The following EYS variants were observed in gnomAD, a reference collection of about 807,000 sequenced individuals.
The protein encoded by EYS is protein eyes shut homolog.
EYS carries 250 observed loss-of-function variants against 282.1 expected under a neutral mutation model. The ratio of observed to expected loss-of-function variants is 0.89; its 90% CI spans 0.80 to 0.98. The LOEUF is 0.98. Ranked by LOEUF, EYS falls within the 50% of genes least tolerant of loss-of-function variation. The pLI is 0.00. For synonymous variants in EYS, 1,355 were observed against 1,282.9 expected, an observed-to-expected ratio of 1.06 and a Z score of -1.20; for missense variants, 4,016 against 3,709.0, an observed-to-expected ratio of 1.08 and a Z score of -2.15.
At chr6:64,261,044 C>G (rs1922981) in intron 30 of EYS, among the ~76,000 whole-genome samples, 103,724 of 151,714 alleles carry the variant, frequency 0.68, 35,489 homozygotes, top group South Asian at 0.71. Flanking sequence ...CAATTCTACT[C>G]TTTTAGTTAT....
chr6:63,763,870 T>TTTTATATATATATATATA (rs1185179091), intron 40 of EYS, among the ~76,000 whole-genome samples: 2 of 129,664 alleles, frequency 1.5e-5, no homozygotes, highest in African/African-American at 5.7e-5. Flanking sequence ...TTATATCTTG[T>TTTTATATATATATATATA]TATATATATA....
At chr6:64,349,866 T>A (rs1771556240) in intron 29 of EYS, among the ~76,000 whole-genome samples, 1 of 151,660 alleles carries the variant, frequency 6.6e-6, no homozygotes, top group East Asian at 2.0e-4. Flanking sequence ...AATATGTAGT[T>A]TTTTTCCCGT....
chr6:64,959,409 C>T (rs1347775729), intron 14 of EYS, among the ~76,000 whole-genome samples: 1 of 151,984 alleles, frequency 6.6e-6, no homozygotes, highest in African/African-American at 2.4e-5. Context: ...CTTCATTATT[C>T]TTTATTTTTT....
chr6:64,204,883 A>C (rs1327683890), intron 31 of EYS, among the ~76,000 whole-genome samples: 2 of 152,154 alleles, frequency 1.3e-5, no homozygotes, highest in East Asian at 3.8e-4. Context: ...GAGCTCCATA[A>C]TATGCACACT....
At chr6:64,936,441 T>A (rs150592298) in intron 15 of EYS, among the ~76,000 whole-genome samples, 1 of 151,470 alleles carries the variant, frequency 6.6e-6, no homozygotes, top group Admixed American at 6.6e-5. Context: ...CTGGAAGTTG[T>A]TGGGATAATT....
At chr6:64,097,979 A>C (rs1221812738) in intron 31 of EYS, among the ~76,000 whole-genome samples, 1 of 152,254 alleles carries the variant, frequency 6.6e-6, no homozygotes, top group Non-Finnish European at 1.5e-5. Context: ...ATTAGGTATC[A>C]TAATTTTATA....
At chr6:64,245,913 G>T (rs1216739128) in intron 30 of EYS, among the ~76,000 whole-genome samples, 3 of 151,054 alleles carry the variant, frequency 2.0e-5, no homozygotes, top group Non-Finnish European at 4.4e-5. Context: ...CAGCTACACG[G>T]GAGGCTGAGG....
chr6:64,947,322 G>T (rs886561512), intron 14 of EYS, among the ~76,000 whole-genome samples: 1 of 151,738 alleles, frequency 6.6e-6, no homozygotes, highest in African/African-American at 2.4e-5. Flanking sequence ...ATAAATGCAT[G>T]CTCCATGTAT....
intron 31 of EYS, among the ~76,000 whole-genome samples, chr6:64,151,311 G>GTATATTTATATATATATATATATATATA (rs1413473491): frequency 2.5e-4 from 22 of 87,136 alleles, no homozygotes; most frequent in Admixed American, 1.2e-3. Context: ...GTGTGTGTGT[G>GTATATTTATATATATATATATATATATA]TATATTTATA....
In EYS at chr6:64,455,745, G is replaced by T. The variant is rs146236107; in HGVS notation, c.5645-16393C>A. On this transcript the variant is annotated intron_variant, in intron 26 of 42. Transcript: ENST00000503581. ...CTGTGTTATTTTACTGAGAATGATG[G>T]TTTCTAGCTTCATCCATTTCCCTGC... Among the ~76,000 whole-genome samples, 1,403 of 152,032 alleles carry T rather than the reference G, an allele frequency of 9.2e-3. 19 individuals are homozygous for T. Among genetic ancestry groups the T allele is most frequent in the East Asian group, 0.049 (252 of 5,168 alleles).
chr6:65,376,001 C>T (rs1371503962), intron 8 of EYS, among the ~76,000 whole-genome samples: 3 of 152,092 alleles, frequency 2.0e-5, no homozygotes, highest in African/African-American at 7.2e-5. Context: ...GACAGGCCAG[C>T]ATTCAAATCC....
At position 64,390,124 on chromosome 6, in the gene EYS, C is replaced by T. The variant is rs572113624; in HGVS notation, c.5928-1284G>A. ...CCCGCACCTGGCTCCGAGGGTCCTA[C>T]GCCCACGGAGTCTCGCTGATTGCTA... On this transcript the variant is annotated intron_variant, in intron 28 of 42. Coordinates refer to ENST00000503581, the MANE Select transcript of EYS (RefSeq NM_001142800.2). Among the ~76,000 whole-genome samples, 82 of 152,208 alleles carry T rather than the reference C, an allele frequency of 5.4e-4. 1 individual carries two copies. In the Middle Eastern group the frequency reaches 0.014, roughly 25 times the overall value.
At chr6:64,426,897 C>A (rs181577762) in intron 28 of EYS, among the ~76,000 whole-genome samples, 1 of 152,136 alleles carries the variant, frequency 6.6e-6, no homozygotes, top group East Asian at 1.9e-4. Flanking sequence ...ATCACTATTT[C>A]TAGTTATTTT....
At chr6:65,612,083 T>C (rs1377714258) in intron 2 of EYS, among the ~76,000 whole-genome samples, 1 of 151,768 alleles carries the variant, frequency 6.6e-6, no homozygotes, top group Non-Finnish European at 1.5e-5. Context: ...CATAATGGTA[T>C]AAAAATATAT....
At chr6:64,326,342 G>C (rs1157011226) in intron 29 of EYS, among the ~76,000 whole-genome samples, 1 of 151,994 alleles carries the variant, frequency 6.6e-6, no homozygotes, top group Admixed American at 6.6e-5. Flanking sequence ...TCCCTAGCAT[G>C]CCTGCAGGGT....
intron 12 of EYS, among the ~76,000 whole-genome samples, chr6:65,125,340 GC>G (rs1775688387): frequency 6.6e-6 from 1 of 152,090 alleles, no homozygotes; most frequent in Admixed American, 6.6e-5. Context: ...CAGTTGCTAA[GC>G]CCCCATCTCA....
chr6:65,644,581 C>T (rs577722911), intron 1 of EYS, among the ~76,000 whole-genome samples: 50 of 152,138 alleles, frequency 3.3e-4, no homozygotes, highest in Non-Finnish European at 6.6e-4. Context: ...GGAAATTCAT[C>T]GCAAAAAGAT....
rs1767317702 is a variant in EYS at position 64,617,666 on chromosome 6, G to A, written c.3569-133C>T. 4 of 633,510 alleles carry A rather than the reference G, an allele frequency of 6.3e-6. No homozygotes were observed. In the South Asian group the frequency reaches 7.4e-5, roughly 12 times the overall value. The allele number at this position is 633,510 out of a possible 1,614,324, so 39.2% of individuals were successfully genotyped here. Reference sequence around the variant, plus strand: ...GATGTTTTGTACAAATTACCTCAGTGTATCTTCATGATCAGTTTATCAGGT... The same window carrying A: ...GATGTTTTGTACAAATTACCTCAGTATATCTTCATGATCAGTTTATCAGGT... On this transcript the variant is annotated intron_variant, in intron 23 of 42. Coordinates refer to ENST00000503581, the MANE Select transcript of EYS (RefSeq NM_001142800.2).
In EYS at chr6:65,494,673, TG is replaced by T. The variant is rs2127270768; in HGVS notation, c.737del (p.Pro246HisfsTer11). On this transcript the variant is annotated frameshift_variant, in exon 4 of 43. Transcript: ENST00000503581. LOFTEE classifies it high-confidence loss of function. ...DEQAYECVCHPPFTGKNCSEI... is the reference protein window; with the variant it reads ...DEQAYECVCHXPFTGKNCSEI... ...TTTAAACAATCTTACCTGTAAATGG[TG>T]GGTGACAGACACATTCATATGCTTG... 6.4e-7 allele frequency: 1 copy of T among 1,565,176 alleles called. No homozygotes were observed. Among genetic ancestry groups the T allele is most frequent in the South Asian group, 1.2e-5 (1 of 86,168 alleles).
Sources: allele counts gnomAD v4.1 joint callset (sites outside exome capture counted in the v4.1 genomes callset), GRCh38; gene constraint gnomAD v4.1.1; transcripts MANE v1.5; gene names NCBI Gene and HGNC (gene_info 2026-07-23, HGNC 2026-07-21).